TASP1: variants seen among roughly 807,000 people sequenced by gnomAD.
The protein encoded by TASP1 is taspase 1.
Under a neutral mutation model 56.6 loss-of-function variants are expected in TASP1, and 16 were observed. The observed-to-expected ratio is 0.28, with a 90% CI of 0.19 to 0.43. TASP1 has a LOEUF of 0.43. TASP1 is among the 20% of genes least tolerant of loss of function. TASP1 has a pLI of 1.00. For synonymous variants in TASP1, 179 were observed against 184.2 expected (o/e 0.97, Z 0.23); for missense variants, 393 against 511.6 (o/e 0.77, Z 2.24).
the TASP1 span, among the ~76,000 whole-genome samples, chr20:13,184,799 G>A: frequency 6.6e-6 from 1 of 152,076 alleles, no homozygotes; most frequent in Admixed American, 6.6e-5. Flanking sequence ...GAGACATATG[G>A]GGTAAACAAT....
chr20:13,301,634 T>C, the TASP1 span, among the ~76,000 whole-genome samples: 1 of 152,146 alleles, frequency 6.6e-6, no homozygotes, highest in South Asian at 2.1e-4. Flanking sequence ...ACTGAACTAG[T>C]AGGAAGAGAA....
the TASP1 span, among the ~76,000 whole-genome samples, chr20:13,221,053 A>G: frequency 6.6e-6 from 1 of 151,900 alleles, no homozygotes; most frequent in Non-Finnish European, 1.5e-5. Flanking sequence ...CGGGGCCCCC[A>G]TCTGGAACCG....
chr20:13,199,930 C>T, the TASP1 span, among the ~76,000 whole-genome samples: 1 of 152,186 alleles, frequency 6.6e-6, no homozygotes, highest in Non-Finnish European at 1.5e-5. Context: ...TTTCCACTTA[C>T]GTAGCTTTAT....
the TASP1 span, among the ~76,000 whole-genome samples, chr20:13,146,683 C>CT: frequency 1.3e-5 from 2 of 152,298 alleles, no homozygotes; most frequent in East Asian, 3.9e-4. Flanking sequence ...GCCTTGCCTC[C>CT]TGTTAGATCA....
intron 4 of TASP1, among the ~76,000 whole-genome samples, chr20:13,606,854 A>G (rs955369068): frequency 6.6e-6 from 1 of 151,918 alleles, no homozygotes; most frequent in African/African-American, 2.4e-5. Flanking sequence ...GCTATATCCC[A>G]ATATGTAAGG....
chr20:13,139,141 T>C, the TASP1 span, among the ~76,000 whole-genome samples: 1 of 152,232 alleles, frequency 6.6e-6, no homozygotes, highest in African/African-American at 2.4e-5. Context: ...GCACTTAGGA[T>C]GTTTTTCAAT....
At chr20:13,228,202 A>G in the TASP1 span, among the ~76,000 whole-genome samples, 3 of 151,296 alleles carry the variant, frequency 2.0e-5, no homozygotes, top group Non-Finnish European at 4.4e-5. Context: ...CGAACTCTTC[A>G]TCTCAGGTGA....
chr20:13,305,425 C>T, the TASP1 span, among the ~76,000 whole-genome samples: 1 of 152,114 alleles, frequency 6.6e-6, no homozygotes, highest in Non-Finnish European at 1.5e-5. Flanking sequence ...AATTCCATCC[C>T]GACACACAAA....
the TASP1 span, among the ~76,000 whole-genome samples, chr20:13,307,982 T>C: frequency 6.6e-6 from 1 of 152,214 alleles, no homozygotes; most frequent in African/African-American, 2.4e-5. Flanking sequence ...CTTTAGTTGA[T>C]ACTGCCCAGT....
At chr20:13,517,641 T>C (rs2044590149) in intron 10 of TASP1, among the ~76,000 whole-genome samples, 1 of 152,110 alleles carries the variant, frequency 6.6e-6, no homozygotes. Flanking sequence ...ATCTCTAAGA[T>C]ACAAGTAACA....
At chr20:13,299,778 G>C in the TASP1 span, 1 of 259,026 alleles carries the variant, frequency 3.9e-6, no homozygotes, top group Non-Finnish European at 7.5e-6. The surrounding 1 kb of genome is among the most constrained non-coding windows in gnomAD (Gnocchi z 5.8). Flanking sequence ...CCCGGATCCA[G>C]AGTTTCAAAG....
intron 10 of TASP1, among the ~76,000 whole-genome samples, chr20:13,514,780 T>C (rs1261653226): frequency 6.6e-6 from 1 of 152,186 alleles, no homozygotes; most frequent in East Asian, 1.9e-4. Context: ...TAAGTGTACT[T>C]TTCATGATAT....
intron 10 of TASP1, among the ~76,000 whole-genome samples, chr20:13,496,043 AT>A (rs2043711423): frequency 2.0e-5 from 3 of 152,008 alleles, no homozygotes; most frequent in African/African-American, 7.2e-5. Flanking sequence ...TAAGGTTTCA[AT>A]TTGATTTTGA....
intron 12 of TASP1, among the ~76,000 whole-genome samples, chr20:13,433,285 T>C (rs1396395120): frequency 2.0e-5 from 3 of 152,154 alleles, no homozygotes; most frequent in Non-Finnish European, 2.9e-5. Context: ...GCTTCATCCA[T>C]GTCCCTGCAA....
chr20:13,317,135 C>A, the TASP1 span, among the ~76,000 whole-genome samples: 3 of 151,604 alleles, frequency 2.0e-5, no homozygotes, highest in African/African-American at 7.3e-5. Flanking sequence ...TGCTGTATAC[C>A]AACAATGAAC....
At chr20:13,221,230 T>TCCTCCG in the TASP1 span, among the ~76,000 whole-genome samples, 3 of 84,962 alleles carry the variant, frequency 3.5e-5, no homozygotes, top group African/African-American at 1.2e-4. Flanking sequence ...CTCCTCCTCC[T>TCCTCCG]CCTCCTCCTC....
chr20:13,274,675 C>T, the TASP1 span, among the ~76,000 whole-genome samples: 383 of 151,944 alleles, frequency 2.5e-3, 2 homozygotes, highest in Non-Finnish European at 4.0e-3. Context: ...TCCCCGCCCC[C>T]CCCGCGCCCG....
chr20:13,418,258 T>C (rs758712339), intron 12 of TASP1, among the ~76,000 whole-genome samples: 21 of 152,298 alleles, frequency 1.4e-4, no homozygotes, highest in Non-Finnish European at 2.8e-4. Flanking sequence ...CAGGATTCTT[T>C]GGAGAAATGT....
downstream of TASP1, among the ~76,000 whole-genome samples, chr20:13,385,940 T>G (rs1052837354): frequency 1.3e-5 from 2 of 152,178 alleles, no homozygotes; most frequent in African/African-American, 4.8e-5. Context: ...GGAAAAAGCC[T>G]GTCAAAGTTG....
Sources: allele counts gnomAD v4.1 joint callset (sites outside exome capture counted in the v4.1 genomes callset), GRCh38; gene constraint gnomAD v4.1.1; non-coding constraint Gnocchi (gnomAD v3.1); transcripts MANE v1.5; gene names NCBI Gene and HGNC (gene_info 2026-07-23, HGNC 2026-07-21).